Variants in LGALS14 observed in about 807,000 individuals in gnomAD.
LGALS14 encodes the protein galectin 14.
Under a neutral mutation model 14.6 loss-of-function variants are expected in LGALS14, and 14 were observed. That is an observed-to-expected ratio of 0.96 (90% CI 0.64 to 1.50). The LOEUF is 1.50. Among genes scored for constraint, LGALS14 ranks in the 40% most tolerant of loss-of-function variants. The probability of loss-of-function intolerance (pLI) is 0.00; values close to 1 mark genes in which losing one functional copy is unlikely to be tolerated. For missense variants in LGALS14, 180 were observed against 172.0 expected, an observed-to-expected ratio of 1.05 and a Z score of -0.26; for synonymous variants, 57 against 63.9, an observed-to-expected ratio of 0.89 and a Z score of 0.51.
At chr19:39,705,099 C>A (rs892146400) in intron 1 of LGALS14, among the ~76,000 whole-genome samples, 8 of 152,168 alleles carry the variant, frequency 5.3e-5, no homozygotes, top group African/African-American at 1.7e-4. Flanking sequence ...TGATGAAGCA[C>A]CTGTGTGTCT....
chr19:39,707,301 G>A lies in LGALS14; in HGVS notation c.216G>A (p.Trp72Ter), dbSNP rs1300214635. 6.2e-7 allele frequency: 1 copy of A among 1,614,102 alleles called. No homozygotes were observed. ...TGAACAGTTGTGTGTTTGGCATATG[G>A]AGATATGAGGAGAAATGCTACTATT... Reference protein sequence around the residue: ...AIMNSCVFGIWRYEEKCYYLP... With the variant: ...AIMNSCVFGI The change falls in exon 3 of 4, where the codon TGG becomes TGA. Residue 72 changes from tryptophan (W) to a stop codon, truncating the protein, a stop_gained. Coordinates refer to ENST00000392052, the MANE Select transcript of LGALS14 (RefSeq NM_020129.3). LOFTEE classifies it high-confidence loss of function.
chr19:39,706,498 T>C, intron 1 of LGALS14, 99 bp from the exon 2 acceptor site: 1 of 853,418 alleles, frequency 1.2e-6, no homozygotes, highest in Non-Finnish European at 2.0e-6. Flanking sequence ...CCTCAGAGTC[T>C]GACCTTTGAT....
chr19:39,705,016 C>T (rs1413982381), intron 1 of LGALS14, among the ~76,000 whole-genome samples: 1 of 152,024 alleles, frequency 6.6e-6, no homozygotes, highest in Non-Finnish European at 1.5e-5. Context: ...TGGGATGTGA[C>T]TGGGTATTGA....
At chr19:39,707,597 A>T (rs1359044041) in intron 3 of LGALS14, among the ~76,000 whole-genome samples, 1 of 152,150 alleles carries the variant, frequency 6.6e-6, no homozygotes, top group Non-Finnish European at 1.5e-5. Context: ...CTCACCTGCC[A>T]TTTCCTCCAA....
At chr19:39,705,806 C>A in intron 1 of LGALS14, 1 of 1,416,216 alleles carries the variant, frequency 7.1e-7, no homozygotes, top group Non-Finnish European at 9.7e-7. Context: ...GATTGCACCA[C>A]TGCATATCAG....
In LGALS14 at chr19:39,707,266, C is replaced by G. The variant is rs1263788669; in HGVS notation, c.181C>G (p.Pro61Ala). The change falls in exon 3 of 4, where the codon CCT (proline) becomes GCT (alanine). Residue 61 changes from proline to alanine, a missense_variant. By Grantham distance (27) the Pro-to-Ala change is conservative. Coordinates refer to ENST00000392052, the MANE Select transcript of LGALS14 (RefSeq NM_020129.3). ...AFQFRLHFGH[P>A]AIMNSCVFGI... ...CCAATTCCGACTGCACTTTGGTCAT[C>G]CTGCAATCATGAACAGTTGTGTGTT... 8 of 1,613,876 alleles carry G rather than the reference C, an allele frequency of 5.0e-6. No homozygotes were observed. The highest frequency in any genetic ancestry group is 4.2e-6 in the Non-Finnish European group (5 of 1,179,860).
Position 39,704,488 on chromosome 19 carries a change from A to G in LGALS14, c.-41A>G, listed in dbSNP as rs1973686989. 6.2e-7 allele frequency: 1 copy of G among 1,610,034 alleles called. No homozygotes were observed. The highest frequency in any genetic ancestry group is 1.3e-5 in the African/African-American group (1 of 74,844). The stretch of plus-strand genomic sequence containing the variant: ...TCCCACTCAGAGATTCACACAGAAG[A>G]CTGGACACAATTCCGAAGAGCTGCC... On this transcript the variant is annotated 5_prime_UTR_variant, in exon 1 of 4. Transcript: ENST00000392052.
chr19:39,707,627 CT>C (rs1441468266), intron 3 of LGALS14, among the ~76,000 whole-genome samples: 1 of 152,168 alleles, frequency 6.6e-6, no homozygotes, highest in Non-Finnish European at 1.5e-5. Context: ...TCTCCTCTGT[CT>C]TTTCCCATAG....
At chr19:39,705,668 T>C (rs573354331) in intron 1 of LGALS14, 11 of 430,944 alleles carry the variant, frequency 2.6e-5, no homozygotes, top group Non-Finnish European at 4.7e-5. Flanking sequence ...CATAGTGATA[T>C]GCTTTCTTTA....
intron 1 of LGALS14, chr19:39,706,148 A>G (rs750733186): frequency 7.9e-7 from 1 of 1,267,926 alleles, no homozygotes; most frequent in Non-Finnish European, 1.1e-6. Flanking sequence ...TGAGTTGAAA[A>G]TAAGGCAGGT....
chr19:39,708,965 CG>C (rs1271878287), intron 3 of LGALS14, among the ~76,000 whole-genome samples: 2 of 152,112 alleles, frequency 1.3e-5, no homozygotes, highest in African/African-American at 4.8e-5. Context: ...CTGTGTGACA[CG>C]GTGTATAACT....
intron 1 of LGALS14, among the ~76,000 whole-genome samples, chr19:39,704,797 A>T (rs1973691323): frequency 6.6e-6 from 1 of 152,078 alleles, no homozygotes; most frequent in South Asian, 2.1e-4. Flanking sequence ...GCTGAGATTA[A>T]GTGACTTTAG....
intron 3 of LGALS14, 36 bp downstream of exon 3, chr19:39,707,424 G>C: frequency 1.9e-6 from 3 of 1,564,504 alleles, no homozygotes; most frequent in Admixed American, 1.7e-5. Flanking sequence ...CTGGAGCTCT[G>C]TGGGCTCTTA....
At chr19:39,704,655 C>A in intron 1 of LGALS14, 112 bp downstream of exon 1, 1 of 991,376 alleles carries the variant, frequency 1.0e-6, no homozygotes, top group South Asian at 1.4e-5. Flanking sequence ...AATGCATTAC[C>A]GAGAGTTGTG....
chr19:39,707,534 G>T, intron 3 of LGALS14, 146 bp downstream of exon 3: 3 of 690,962 alleles, frequency 4.3e-6, no homozygotes, highest in Non-Finnish European at 7.6e-6. Context: ...AGCACCCTCT[G>T]CTTGCACTGC....
intron 3 of LGALS14, 68 bp from the exon 4 acceptor site, chr19:39,709,129 G>GTT (rs1973759907): frequency 1.1e-6 from 1 of 936,180 alleles, no homozygotes; most frequent in Non-Finnish European, 1.8e-6. Flanking sequence ...TAACTGGGCA[G>GTT]AGAAGAGAAA....
intron 1 of LGALS14, 126 bp downstream of exon 1, chr19:39,704,669 G>A: frequency 2.3e-6 from 2 of 860,668 alleles, no homozygotes; most frequent in Non-Finnish European, 1.9e-6. Context: ...AGTTGTGGGT[G>A]TGTAGAAGAG....
In LGALS14 at chr19:39,707,358, G is replaced by A. The variant is rs573212690; in HGVS notation, c.273G>A (p.Leu91=). ...TTGAAGATGGCAAACCATTTGAGCT[G>A]TGCATCTATGTGCGTCACAAGGAAT... The part of the protein sequence containing the change: ...LPFEDGKPFE[L]CIYVRHKEYK... Residue 91 remains leucine, a synonymous_variant, in exon 3 of 4, where the codon CTG becomes CTA. Coordinates refer to ENST00000392052, the MANE Select transcript of LGALS14 (RefSeq NM_020129.3). The A allele has an allele frequency of 7.4e-6, 12 of 1,614,100 alleles. No homozygotes were observed. Among genetic ancestry groups the A allele is most frequent in the Middle Eastern group, 1.7e-4 (1 of 6,060 alleles).
chr19:39,707,050 C>T, intron 2 of LGALS14, 128 bp from the exon 3 acceptor site: 1 of 726,610 alleles, frequency 1.4e-6, no homozygotes, highest in African/African-American at 1.7e-5. Context: ...CCCACAGGGA[C>T]CAGGACTGCA....
Sources: allele counts gnomAD v4.1 joint callset (sites outside exome capture counted in the v4.1 genomes callset), GRCh38; gene constraint gnomAD v4.1.1; transcripts MANE v1.5; gene names NCBI Gene and HGNC (gene_info 2026-07-23, HGNC 2026-07-21).